Variants in TBL1X observed in about 807,000 individuals in gnomAD.
The protein encoded by TBL1X is transducin beta like 1 X-linked.
Under a neutral mutation model 50.7 loss-of-function variants are expected in TBL1X, and 10 were observed. That is an observed-to-expected ratio of 0.20 (90% CI 0.12 to 0.33). The LOEUF (loss-of-function observed/expected upper bound fraction) is 0.33. Ranked by LOEUF, TBL1X falls within the 10% of genes least tolerant of loss-of-function variation. The probability of loss-of-function intolerance (pLI) is 1.00; values close to 1 mark genes in which losing one functional copy is unlikely to be tolerated. For synonymous variants in TBL1X, 190 were observed against 214.7 expected (o/e 0.88, Z 1.01); for missense variants, 340 against 504.4 (o/e 0.67, Z 3.12).
At chrX:9,480,633 A>G (rs1368620495) in intron 1 of TBL1X, among the ~76,000 whole-genome samples, 1 of 111,006 alleles carries the variant, frequency 9.0e-6, no homozygotes, top group Non-Finnish European at 1.9e-5. Flanking sequence ...GCCTTTTAAA[A>G]ATTCTTGAGT....
chrX:9,652,284 A>G lies in TBL1X; in HGVS notation c.-42-1261A>G, dbSNP rs1158137626. The stretch of plus-strand genomic sequence containing the variant: ...GAGTGGTGCCCCATCTCCTTGACGC[A>G]TTCTGGAAGCAAGTGACAGATCTTG... On this transcript the variant is annotated intron_variant, in intron 3 of 17. Coordinates refer to ENST00000645353, the MANE Select transcript of TBL1X (RefSeq NM_005647.4). 6.3e-5 allele frequency among the ~76,000 whole-genome samples: 7 copies of G among 111,997 alleles called. No homozygotes were observed. In the Admixed American group the frequency reaches 6.6e-4, roughly 11 times the overall value.
intron 1 of TBL1X, among the ~76,000 whole-genome samples, chrX:9,478,705 C>T (rs2081862970): frequency 8.9e-6 from 1 of 112,185 alleles, no homozygotes; most frequent in African/African-American, 3.2e-5. Flanking sequence ...CCAGTTACTC[C>T]CGCAGATAAC....
chrX:9,693,233 G>C, intron 10 of TBL1X, 21 bp downstream of exon 10: 1 of 1,211,231 alleles, frequency 8.3e-7, no homozygotes, highest in Non-Finnish European at 1.1e-6. Context: ...TGTCCCTCGT[G>C]CTGGGGTCGG....
intron 1 of TBL1X, among the ~76,000 whole-genome samples, chrX:9,469,458 C>T (rs937179823): frequency 8.9e-6 from 1 of 112,461 alleles, no homozygotes; most frequent in African/African-American, 3.2e-5. Flanking sequence ...CCATCGCGCC[C>T]GGCTAGCCTA....
At chrX:9,704,517 G>A (rs1407508707) in intron 12 of TBL1X, among the ~76,000 whole-genome samples, 2 of 111,569 alleles carry the variant, frequency 1.8e-5, no homozygotes, top group African/African-American at 3.3e-5. Flanking sequence ...CCCTGCCAAC[G>A]TGGCAGGAGA....
chrX:9,544,708 A>G (rs1228219293), intron 2 of TBL1X, among the ~76,000 whole-genome samples: 1 of 110,621 alleles, frequency 9.0e-6, no homozygotes. Context: ...GATTATAGGC[A>G]TGCACCACCA....
At chrX:9,585,257 C>T (rs761433546) in intron 2 of TBL1X, among the ~76,000 whole-genome samples, 1 of 110,422 alleles carries the variant, frequency 9.1e-6, no homozygotes, top group Admixed American at 9.6e-5. Flanking sequence ...GGCCAGAATC[C>T]GCACCTGGAT....
chrX:9,713,665 C>T (rs2079476597), intron 16 of TBL1X, among the ~76,000 whole-genome samples: 1 of 110,100 alleles, frequency 9.1e-6, no homozygotes, highest in African/African-American at 3.3e-5. Context: ...TGACCCCAGG[C>T]AATCTACCCA....
At chrX:9,694,235 G>GAA (rs142404060) in intron 11 of TBL1X, among the ~76,000 whole-genome samples, 2 of 75,997 alleles carry the variant, frequency 2.6e-5, no homozygotes. Context: ...CTAGAATTGA[G>GAA]AAAAAAAAAA....
intron 2 of TBL1X, among the ~76,000 whole-genome samples, chrX:9,534,570 A>T (rs983344500): frequency 1.9e-5 from 2 of 107,271 alleles, no homozygotes; most frequent in Admixed American, 1.0e-4. Flanking sequence ...ACCCTAATTT[A>T]AAAAAAAAAT....
intron 2 of TBL1X, among the ~76,000 whole-genome samples, chrX:9,577,716 G>A (rs2082419729): frequency 8.9e-6 from 1 of 112,165 alleles, no homozygotes; most frequent in Admixed American, 9.4e-5. Context: ...AAGATACGAT[G>A]TGGACAGCAC....
At chrX:9,523,764 T>C (rs1300010723) in intron 2 of TBL1X, among the ~76,000 whole-genome samples, 1 of 111,627 alleles carries the variant, frequency 9.0e-6, no homozygotes, top group East Asian at 2.8e-4. Flanking sequence ...TTTCTGTGTG[T>C]GTGCGTGGCT....
rs1251925279 is a variant in TBL1X, at chrX:9,688,181, A to G, written c.522A>G (p.Ala174=). ...CTGCGGCCACGGCAGCAGCGACAGC[A>G]GCCACCACGACCTCAGCCGGCGTTT... ...AAAAATAAAT[A]ATTTSAGVSH... Residue 174 remains alanine, a synonymous_variant, in exon 7 of 18, where the codon GCA becomes GCG. Coordinates refer to ENST00000645353, the MANE Select transcript of TBL1X (RefSeq NM_005647.4). The G allele has an allele frequency of 8.4e-7, 1 of 1,196,474 alleles. No homozygotes were observed. The highest frequency in any genetic ancestry group is 3.0e-5 in the East Asian group (1 of 33,002).
chrX:9,675,573 A>T (rs368859562), intron 5 of TBL1X, among the ~76,000 whole-genome samples: 1 of 111,696 alleles, frequency 9.0e-6, no homozygotes, highest in African/African-American at 3.3e-5. Context: ...TGTGACCATG[A>T]TGATTATACA....
At chrX:9,545,148 A>G (rs1001310557) in intron 2 of TBL1X, among the ~76,000 whole-genome samples, 1 of 108,759 alleles carries the variant, frequency 9.2e-6, no homozygotes, top group Non-Finnish European at 1.9e-5. Context: ...CTGGGATTAC[A>G]GGTACCCGCC....
At chrX:9,706,172 C>T (rs191880619) in intron 13 of TBL1X, among the ~76,000 whole-genome samples, 19 of 111,930 alleles carry the variant, frequency 1.7e-4, no homozygotes, top group Non-Finnish European at 2.8e-4. Context: ...GTGGGGACAC[C>T]GATCCTAAAC....
At chrX:9,543,930 G>A (rs148498432) in intron 2 of TBL1X, among the ~76,000 whole-genome samples, 2 of 111,040 alleles carry the variant, frequency 1.8e-5, no homozygotes, top group East Asian at 5.7e-4. Flanking sequence ...TGTCACTGAG[G>A]CTTAAACTCA....
chrX:9,574,465 A>AG (rs2082400766), intron 2 of TBL1X, among the ~76,000 whole-genome samples: 2 of 99,571 alleles, frequency 2.0e-5, no homozygotes, highest in African/African-American at 8.5e-5. Flanking sequence ...AAATGAAAAA[A>AG]AAAAAAAAAA....
intron 2 of TBL1X, among the ~76,000 whole-genome samples, chrX:9,609,081 A>G (rs2082598970): frequency 8.9e-6 from 1 of 112,043 alleles, no homozygotes; most frequent in Non-Finnish European, 1.9e-5. Context: ...ACACTGCATA[A>G]GGAAAACCGT....
Sources: gnomAD v4.1 joint callset for allele counts (sites outside exome capture counted in the v4.1 genomes callset) on GRCh38, gnomAD v4.1.1 for gene constraint, MANE v1.5 for transcripts, NCBI Gene and HGNC (gene_info 2026-07-23, HGNC 2026-07-21) for gene names.